The following GNG12 variants were observed in gnomAD, a reference collection of about 807,000 sequenced individuals.
The protein encoded by GNG12 is guanine nucleotide-binding protein G(I)/G(S)/G(O) subunit gamma-12.
For missense variants in GNG12, 69 were observed against 83.8 expected (o/e 0.82, Z 0.69); for synonymous variants, 28 against 29.7 (o/e 0.94, Z 0.19).
intron 2 of GNG12, among the ~76,000 whole-genome samples, chr1:67,709,700 T>C (rs1042171203): frequency 8.7e-5 from 13 of 149,636 alleles, no homozygotes; most frequent in African/African-American, 3.0e-4. Flanking sequence ...GCCCAATCCC[T>C]TTCTGTGCTC....
chr1:67,790,436 C>A (rs1457692674), intron 1 of GNG12, among the ~76,000 whole-genome samples: 1 of 152,146 alleles, frequency 6.6e-6, no homozygotes, highest in Non-Finnish European at 1.5e-5. Flanking sequence ...ATCCACTATA[C>A]CACAGCAGGG....
intron 1 of GNG12, among the ~76,000 whole-genome samples, chr1:67,818,794 C>T (rs1231878066): frequency 6.6e-6 from 1 of 152,096 alleles, no homozygotes; most frequent in African/African-American, 2.4e-5. Context: ...CCTATTAACT[C>T]ATTTACATTT....
intron 1 of GNG12, among the ~76,000 whole-genome samples, chr1:67,830,246 C>T (rs769157814): frequency 6.6e-6 from 1 of 152,180 alleles, no homozygotes; most frequent in Non-Finnish European, 1.5e-5. Context: ...CTCAGGTGAT[C>T]CGCCCACCTT....
chr1:67,765,920 G>T (rs1038808115), intron 2 of GNG12, among the ~76,000 whole-genome samples: 1 of 152,108 alleles, frequency 6.6e-6, no homozygotes. Context: ...GACTAACAAT[G>T]ATTTGTTGTA....
At chr1:67,742,207 C>T (rs1335642053) in intron 2 of GNG12, among the ~76,000 whole-genome samples, 2 of 152,176 alleles carry the variant, frequency 1.3e-5, no homozygotes, top group African/African-American at 4.8e-5. Context: ...ACAACATTCA[C>T]AAAAAGACTC....
At position 67,710,052 on chromosome 1, in the gene GNG12, ATATATATATAGT is replaced by A. The variant is rs1557592156; in HGVS notation, c.-26-2352_-26-2341del. On this transcript the variant is annotated intron_variant, in intron 2 of 3. Coordinates refer to ENST00000370982, the MANE Select transcript of GNG12 (RefSeq NM_018841.6). ...TATATATATAGTTATATATATAGTT[ATATATATATAGT>A]TATATATATAGTTATATATATATAG... Among the ~76,000 whole-genome samples, 6 of 45,564 alleles carry A rather than the reference ATATATATATAGT, an allele frequency of 1.3e-4. 1 individual carries two copies. Among genetic ancestry groups the A allele is most frequent in the African/African-American group, 5.1e-4 (6 of 11,838 alleles). The allele number at this position is 45,564 out of a possible 152,430, so 29.9% of individuals were successfully genotyped here.
Position 67,710,848 on chromosome 1 carries a change from C to T in GNG12, c.-26-3136G>A, listed in dbSNP as rs564912850. On this transcript the variant is annotated intron_variant, in intron 2 of 3. Transcript: ENST00000370982. ...GTATTCCTGCTGGTCCCAGGCTCGA[C>T]AAAGTCCATGCAACACATTTTTAAT... Among the ~76,000 whole-genome samples, 28 of 152,272 alleles carry T rather than the reference C, an allele frequency of 1.8e-4. No homozygotes were observed. The South Asian group carries it at 5.4e-3, about 29-fold the overall frequency.
intron 1 of GNG12, among the ~76,000 whole-genome samples, chr1:67,810,430 C>G (rs1646918466): frequency 6.6e-6 from 1 of 152,274 alleles, no homozygotes; most frequent in East Asian, 1.9e-4. Flanking sequence ...GATGTGTCAA[C>G]TTAGGTTCAT....
At position 67,825,815 on chromosome 1, in the gene GNG12, G is replaced by A. The variant is rs138420202; in HGVS notation, c.-77+7529C>T. 5.7e-4 allele frequency among the ~76,000 whole-genome samples: 86 copies of A among 152,186 alleles called. 1 individual carries two copies. The highest frequency in any genetic ancestry group is 1.9e-3 in the African/African-American group (80 of 41,524). The stretch of plus-strand genomic sequence containing the variant: ...CCCTGCACCAGGCCAACTACACAAC[G>A]GGTGCTGGTGACCCTGGCAAGTATT... On this transcript the variant is annotated intron_variant, in intron 1 of 3. Coordinates refer to ENST00000370982, the MANE Select transcript of GNG12 (RefSeq NM_018841.6).
Position 67,813,487 on chromosome 1 carries a change from C to T in GNG12, c.-77+19857G>A, listed in dbSNP as rs554476221. Among the ~76,000 whole-genome samples the T allele has an allele frequency of 3.9e-5, 6 of 152,224 alleles. No individual in the cohort carries two copies. The East Asian group carries it at 9.6e-4, about 24-fold the overall frequency. On this transcript the variant is annotated intron_variant, in intron 1 of 3. Transcript: ENST00000370982. ...CAGTTAGGGCCTAAGCATGGGAGGC[C>T]CCTGTTCCAAGGAAACTGGAACAAT...
chr1:67,814,166 C>T (rs1646941035), intron 1 of GNG12, among the ~76,000 whole-genome samples: 1 of 152,076 alleles, frequency 6.6e-6, no homozygotes, highest in Non-Finnish European at 1.5e-5. Context: ...GAAAACATTA[C>T]AGAAACACAT....
Position 67,703,107 on chromosome 1 carries a change from T to C in GNG12, c.*2344A>G, listed in dbSNP as rs780535595. ...AAGTAAATCAACATTTAGCTACAAC[T>C]TTTCCTCTCTTGGGTCCAGCATCAA... On this transcript the variant is annotated 3_prime_UTR_variant, in exon 4 of 4. Coordinates refer to ENST00000370982, the MANE Select transcript of GNG12 (RefSeq NM_018841.6). 4 of 152,180 alleles carry C rather than the reference T, an allele frequency of 2.6e-5. No individual in the cohort carries two copies. The highest frequency in any genetic ancestry group is 5.9e-5 in the Non-Finnish European group (4 of 68,008). 9.4% of individuals were successfully genotyped at this position (152,180 alleles called of 1,614,324 possible). A position where few individuals can be genotyped will look rare whatever the true frequency, so the allele number is the denominator to read the frequency against.
At chr1:67,747,016 C>T (rs1452715380) in intron 2 of GNG12, among the ~76,000 whole-genome samples, 10 of 151,980 alleles carry the variant, frequency 6.6e-5, no homozygotes, top group Admixed American at 3.3e-4. Flanking sequence ...TGAGTTTCAA[C>T]TTAGTTACTC....
intron 1 of GNG12, among the ~76,000 whole-genome samples, chr1:67,824,797 A>G (rs1466247750): frequency 6.6e-6 from 1 of 152,216 alleles, no homozygotes; most frequent in Non-Finnish European, 1.5e-5. Context: ...TGTGAAAGTC[A>G]GTCAGAGAAA....
At chr1:67,815,530 A>AGTGCT (rs1263693539) in intron 1 of GNG12, among the ~76,000 whole-genome samples, 2 of 152,138 alleles carry the variant, frequency 1.3e-5, no homozygotes, top group African/African-American at 4.8e-5. Context: ...TCATCCCCAG[A>AGTGCT]GTGCTGTGCT....
At chr1:67,723,972 A>T (rs1458403667) in intron 2 of GNG12, among the ~76,000 whole-genome samples, 1 of 152,126 alleles carries the variant, frequency 6.6e-6, no homozygotes, top group Non-Finnish European at 1.5e-5. Context: ...GCTTGAAGGG[A>T]ATGGAGGTCA....
intron 1 of GNG12, among the ~76,000 whole-genome samples, chr1:67,808,511 G>A (rs1374451487): frequency 1.3e-5 from 2 of 152,022 alleles, no homozygotes; most frequent in East Asian, 3.9e-4. Flanking sequence ...AAATAAAACT[G>A]CCTTTTTCAA....
Position 67,703,007 on chromosome 1 carries a change from A to G in GNG12, c.*2444T>C, listed in dbSNP as rs1354635009. The G allele has an allele frequency of 6.6e-6, 1 of 152,210 alleles. No individual in the cohort carries two copies. The highest frequency in any genetic ancestry group is 1.5e-5 in the Non-Finnish European group (1 of 68,018). The allele number at this position is 152,210 out of a possible 1,614,324, so 9.4% of individuals were successfully genotyped here. On this transcript the variant is annotated 3_prime_UTR_variant, in exon 4 of 4. Transcript: ENST00000370982. Reference sequence around the variant, plus strand: ...AACTGTGGCTTTGTAAGGAGAATAAAGCCTGATAAAAAAAGTGACTTCTGC... The same window carrying G: ...AACTGTGGCTTTGTAAGGAGAATAAGGCCTGATAAAAAAAGTGACTTCTGC...
intron 2 of GNG12, among the ~76,000 whole-genome samples, chr1:67,710,818 A>G (rs952843787): frequency 2.0e-5 from 3 of 152,022 alleles, no homozygotes; most frequent in African/African-American, 4.8e-5. Flanking sequence ...CTCCCTTCCA[A>G]TGGGGTATTC....
Sources: allele counts gnomAD v4.1 joint callset (sites outside exome capture counted in the v4.1 genomes callset), GRCh38; gene constraint gnomAD v4.1.1; transcripts MANE v1.5; gene names NCBI Gene and HGNC (gene_info 2026-07-23, HGNC 2026-07-21).